Variants in PRKN observed in about 807,000 individuals in gnomAD.
PRKN encodes the protein E3 ubiquitin-protein ligase parkin.
Under a neutral mutation model 59.5 loss-of-function variants are expected in PRKN, and 56 were observed. That is an observed-to-expected ratio of 0.94 (90% CI 0.76 to 1.18). The LOEUF is 1.18. Among genes scored for constraint, PRKN ranks in the 50% most tolerant of loss-of-function variants. The pLI is 0.00. For synonymous variants in PRKN, 250 were observed against 222.1 expected (o/e 1.13, Z -1.12); for missense variants, 657 against 596.4 (o/e 1.10, Z -1.06).
At chr6:161,889,568 G>A (rs1179063583) in intron 6 of PRKN, among the ~76,000 whole-genome samples, 1 of 152,206 alleles carries the variant, frequency 6.6e-6, no homozygotes, top group Non-Finnish European at 1.5e-5. Context: ...CAGGTCAGGT[G>A]GTGCTGGGAG....
intron 1 of PRKN, chr6:162,568,293 CT>C (rs1420062907): frequency 1.9e-5 from 5 of 264,870 alleles, no homozygotes; most frequent in African/African-American, 1.1e-4. Context: ...CAAAAAGCTT[CT>C]GCACAGTGAC....
rs1554243452 is a variant in PRKN, at chr6:162,556,368, T to TGTGTGCGC, written c.8-112896_8-112895insGCGCACAC. 2.5e-3 allele frequency among the ~76,000 whole-genome samples: 243 copies of TGTGTGCGC among 98,104 alleles called. 1 individual carries two copies. The highest frequency in any genetic ancestry group is 0.016 in the South Asian group (37 of 2,374). The allele number at this position is 98,104 out of a possible 152,430, so 64.4% of individuals were successfully genotyped here. A position where few individuals can be genotyped will look rare whatever the true frequency, so the allele number is the denominator to read the frequency against. On this transcript the variant is annotated intron_variant, in intron 1 of 11. Transcript: ENST00000366898. ...GTGTGTGTGTGTGTGTGTGTGTGTG[T>TGTGTGCGC]GTGTGTGTGTGTGTGTGTGTGTGTG...
intron 1 of PRKN, among the ~76,000 whole-genome samples, chr6:162,586,778 G>A (rs1781077565): frequency 6.6e-6 from 1 of 152,234 alleles, no homozygotes; most frequent in African/African-American, 2.4e-5. Flanking sequence ...GAAAAAGAGA[G>A]AGAGAGACAG....
chr6:161,639,964 C>T (rs1783678676), intron 7 of PRKN, among the ~76,000 whole-genome samples: 1 of 152,158 alleles, frequency 6.6e-6, no homozygotes, highest in African/African-American at 2.4e-5. Context: ...TGACTAGGGG[C>T]TCCAGAGAGA....
At chr6:162,612,150 G>A (rs1228343121) in intron 1 of PRKN, among the ~76,000 whole-genome samples, 44 of 139,982 alleles carry the variant, frequency 3.1e-4, no homozygotes, top group Non-Finnish European at 2.0e-4. Context: ...CTGAGATCGC[G>A]CCACTGCACT....
intron 6 of PRKN, among the ~76,000 whole-genome samples, chr6:161,960,277 C>T (rs1255046442): frequency 6.6e-6 from 1 of 152,216 alleles, no homozygotes; most frequent in African/African-American, 2.4e-5. Context: ...GAGCCAGGTT[C>T]TGTACACACA....
At chr6:161,882,841 T>TG (rs1400972089) in intron 6 of PRKN, among the ~76,000 whole-genome samples, 1 of 150,750 alleles carries the variant, frequency 6.6e-6, no homozygotes, top group African/African-American at 2.4e-5. Flanking sequence ...CCATCTCTAC[T>TG]AAAAAATACA....
rs2115212522 is a variant in PRKN, at chr6:161,475,511, C to G, written c.1083+73343G>C. Among the ~76,000 whole-genome samples, 1 of 152,170 alleles carries G rather than the reference C, an allele frequency of 6.6e-6. No individual in the cohort carries two copies. Among genetic ancestry groups the G allele is most frequent in the Middle Eastern group, 3.4e-3 (1 of 294 alleles). Reference sequence around the variant, plus strand: ...GGTATTGACTTGTTATTTTTATTTACATATATTTTTGAGACGAGGTCTCGC... The same window carrying G: ...GGTATTGACTTGTTATTTTTATTTAGATATATTTTTGAGACGAGGTCTCGC... On this transcript the variant is annotated intron_variant, in intron 9 of 11. Transcript: ENST00000366898. The surrounding 1 kb of genome is among the most constrained non-coding windows in gnomAD (Gnocchi z 5.3).
chr6:161,856,130 T>C (rs1893096), intron 6 of PRKN, among the ~76,000 whole-genome samples: 76,261 of 151,906 alleles, frequency 0.5, 19,460 homozygotes, highest in East Asian at 0.81. Flanking sequence ...GAGGCCGAGG[T>C]GGGCAGATCA....
At chr6:162,555,057 C>A (rs879457914) in intron 1 of PRKN, among the ~76,000 whole-genome samples, 6 of 152,026 alleles carry the variant, frequency 3.9e-5, no homozygotes, top group Admixed American at 2.6e-4. Flanking sequence ...CAACAAAAAA[C>A]CAAGTAGGAA....
In PRKN at chr6:162,706,387, C is replaced by G. The variant is rs531381012; in HGVS notation, c.7+21275G>C. 2.0e-5 allele frequency among the ~76,000 whole-genome samples: 3 copies of G among 152,226 alleles called. No individual in the cohort carries two copies. In the East Asian group the frequency reaches 5.8e-4, roughly 29 times the overall value. ...AACCAGATGGGCTATTTACTTTCAACAAGATAATTCTGGAGGAAATTGTTA... is the reference window on the plus strand; with the variant it reads ...AACCAGATGGGCTATTTACTTTCAAGAAGATAATTCTGGAGGAAATTGTTA... On this transcript the variant is annotated intron_variant, in intron 1 of 11. Transcript: ENST00000366898.
chr6:162,376,002 C>T (rs1464184946), intron 2 of PRKN, among the ~76,000 whole-genome samples: 1 of 152,058 alleles, frequency 6.6e-6, no homozygotes, highest in African/African-American at 2.4e-5. Flanking sequence ...GGGAAGCTTC[C>T]ATGCTAGAGG....
chr6:162,009,276 T>C (rs746148377), intron 5 of PRKN, among the ~76,000 whole-genome samples: 3 of 151,384 alleles, frequency 2.0e-5, no homozygotes, highest in Non-Finnish European at 4.4e-5. Flanking sequence ...AAGAAAGAGG[T>C]GAGATACTAC....
rs1784715880 is a variant in PRKN, at chr6:161,355,570, T to TC, written c.1285+4517_1285+4518insG. 6.6e-6 allele frequency among the ~76,000 whole-genome samples: 1 copy of TC among 151,860 alleles called. No homozygotes were observed. The highest frequency in any genetic ancestry group is 6.6e-5 in the Admixed American group (1 of 15,234). ...GTGCCTGCCACCACACCTAGCTATT[T>TC]TTTTTTTGTATTTTTACTAGAGACA... On this transcript the variant is annotated intron_variant, in intron 11 of 11. Transcript: ENST00000366898. The surrounding 1 kb of genome is among the most constrained non-coding windows in gnomAD (Gnocchi z 6.8).
At chr6:162,400,243 A>C (rs1156773497) in intron 2 of PRKN, among the ~76,000 whole-genome samples, 1 of 151,874 alleles carries the variant, frequency 6.6e-6, no homozygotes, top group Non-Finnish European at 1.5e-5. Flanking sequence ...AAAAAAAAAA[A>C]CAAAGAAGAT....
intron 1 of PRKN, among the ~76,000 whole-genome samples, chr6:162,704,538 A>G (rs2128237411): frequency 6.6e-6 from 1 of 152,352 alleles, no homozygotes; most frequent in Non-Finnish European, 1.5e-5. Flanking sequence ...TATTTCACTG[A>G]TGCCTTAAAA....
intron 1 of PRKN, among the ~76,000 whole-genome samples, chr6:162,687,508 T>A (rs1777615691): frequency 6.6e-6 from 1 of 151,508 alleles, no homozygotes; most frequent in East Asian, 1.9e-4. Flanking sequence ...TATGGAGAAA[T>A]AGAGAATGGA....
intron 6 of PRKN, among the ~76,000 whole-genome samples, chr6:161,838,807 G>A (rs1404149309): frequency 2.0e-5 from 3 of 152,170 alleles, no homozygotes; most frequent in East Asian, 3.9e-4. Flanking sequence ...CCCTGAGCTC[G>A]CCCTGCGCCA....
At chr6:162,265,508 C>T (rs1302588934) in intron 2 of PRKN, among the ~76,000 whole-genome samples, 10 of 152,128 alleles carry the variant, frequency 6.6e-5, no homozygotes, top group Non-Finnish European at 1.3e-4. Flanking sequence ...CTGGCCAACA[C>T]GGTGAAACCC....
Sources: gnomAD v4.1 joint callset for allele counts (sites outside exome capture counted in the v4.1 genomes callset) on GRCh38, gnomAD v4.1.1 for gene constraint, Gnocchi (gnomAD v3.1) non-coding constraint, MANE v1.5 for transcripts, NCBI Gene and HGNC (gene_info 2026-07-23, HGNC 2026-07-21) for gene names.